The following CDH2 variants were observed in gnomAD, a reference collection of about 807,000 sequenced individuals.
CDH2 encodes cadherin-2.
In CDH2, 17 loss-of-function variants were observed where a neutral mutation model predicts 92.0. The observed-to-expected ratio is 0.18, with a 90% CI of 0.13 to 0.28. CDH2 has a LOEUF of 0.28. CDH2 is among the 10% of genes least tolerant of loss of function. CDH2 has a pLI of 1.00. For synonymous variants in CDH2, 419 were observed against 415.9 expected (o/e 1.01, Z -0.09); for missense variants, 862 against 1,133.1 (o/e 0.76, Z 3.44).
intron 2 of CDH2, among the ~76,000 whole-genome samples, chr18:28,066,981 A>G (rs2014521133): frequency 6.6e-6 from 1 of 152,190 alleles, no homozygotes; most frequent in Admixed American, 6.5e-5. Context: ...AAACAAACCT[A>G]TAAAAACAAA....
intron 2 of CDH2, among the ~76,000 whole-genome samples, chr18:28,128,786 G>C (rs1202233215): frequency 1.3e-5 from 2 of 152,116 alleles, no homozygotes; most frequent in Non-Finnish European, 2.9e-5. Flanking sequence ...GTGAATGCTG[G>C]GTTTAGCATT....
intron 2 of CDH2, among the ~76,000 whole-genome samples, chr18:28,068,515 A>C (rs934827905): frequency 6.6e-6 from 1 of 152,212 alleles, no homozygotes; most frequent in Non-Finnish European, 1.5e-5. Context: ...CTAGTACAAA[A>C]CATCAACAAA....
chr18:28,075,088 G>A (rs1179555073), intron 2 of CDH2, among the ~76,000 whole-genome samples: 2 of 152,026 alleles, frequency 1.3e-5, no homozygotes, highest in African/African-American at 4.8e-5. Context: ...CTATAGTTTT[G>A]TTATTTTCTT....
intron 2 of CDH2, among the ~76,000 whole-genome samples, chr18:28,072,891 T>C (rs558252149): frequency 2.1e-4 from 32 of 152,154 alleles, no homozygotes; most frequent in Non-Finnish European, 3.7e-4. Context: ...GTTGGAGTCA[T>C]GGGTTACACA....
chr18:28,153,017 T>C (rs1046250237), intron 1 of CDH2, among the ~76,000 whole-genome samples: 28 of 152,080 alleles, frequency 1.8e-4, no homozygotes, highest in Non-Finnish European at 3.4e-4. Flanking sequence ...GGAAAAATAA[T>C]TGCAAAACTA....
intron 2 of CDH2, among the ~76,000 whole-genome samples, chr18:28,070,145 A>G (rs936503801): frequency 6.6e-6 from 1 of 152,170 alleles, no homozygotes; most frequent in Non-Finnish European, 1.5e-5. Context: ...TCTGTAGGTC[A>G]AGAAAACATA....
intron 2 of CDH2, among the ~76,000 whole-genome samples, chr18:28,035,503 T>C (rs767261496): frequency 3.9e-5 from 6 of 152,088 alleles, no homozygotes; most frequent in African/African-American, 7.2e-5. Context: ...AGTTACTTTA[T>C]GTTAACAGAG....
chr18:28,055,893 A>C (rs1395227848), intron 2 of CDH2, among the ~76,000 whole-genome samples: 1 of 152,194 alleles, frequency 6.6e-6, no homozygotes, highest in Non-Finnish European at 1.5e-5. Flanking sequence ...GTGTTACTAT[A>C]TGACAGAAAG....
chr18:28,061,307 G>T (rs2014397882), intron 2 of CDH2, among the ~76,000 whole-genome samples: 1 of 152,080 alleles, frequency 6.6e-6, no homozygotes, highest in African/African-American at 2.4e-5. Flanking sequence ...AGGAAGCATT[G>T]TTTATTAAGT....
intron 2 of CDH2, among the ~76,000 whole-genome samples, chr18:28,084,359 C>A (rs1001765920): frequency 6.6e-6 from 1 of 152,014 alleles, no homozygotes; most frequent in African/African-American, 2.4e-5. Flanking sequence ...TGAGAATATA[C>A]AACAGTACAA....
At chr18:28,073,667 TA>T (rs1295217092) in intron 2 of CDH2, among the ~76,000 whole-genome samples, 1 of 152,144 alleles carries the variant, frequency 6.6e-6, no homozygotes, top group East Asian at 1.9e-4. Flanking sequence ...TTTGGACTGG[TA>T]CCTGGTAAAC....
intron 2 of CDH2, among the ~76,000 whole-genome samples, chr18:28,094,627 T>C (rs969624508): frequency 2.0e-5 from 3 of 151,716 alleles, no homozygotes; most frequent in African/African-American, 4.8e-5. Context: ...ACCCTGTCTC[T>C]ACTAAAAACA....
chr18:27,952,065 CAA>C lies in CDH2; in HGVS notation c.*86_*87del. The stretch of plus-strand genomic sequence containing the variant: ...CAGCAAGCACTGTGCTAGTAGACTA[CAA>C]AGTTAAAGCCTAGCTTCTGAATGCT... On this transcript the variant is annotated 3_prime_UTR_variant, in exon 16 of 16. Coordinates refer to ENST00000269141, the MANE Select transcript of CDH2 (RefSeq NM_001792.5). The C allele has an allele frequency of 2.5e-6, 3 of 1,212,780 alleles. No homozygotes were observed. Among genetic ancestry groups the C allele is most frequent in the Non-Finnish European group, 3.6e-6 (3 of 821,946 alleles). 75.1% of individuals were successfully genotyped at this position (1,212,780 alleles called of 1,614,324 possible).
intron 2 of CDH2, among the ~76,000 whole-genome samples, chr18:28,147,248 C>T (rs1212973970): frequency 1.3e-5 from 2 of 151,970 alleles, no homozygotes; most frequent in African/African-American, 4.8e-5. Context: ...TATATTAAAG[C>T]TTCACGTTTT....
chr18:28,169,390 T>A (rs905782202), intron 1 of CDH2, among the ~76,000 whole-genome samples: 4 of 152,204 alleles, frequency 2.6e-5, no homozygotes, highest in Admixed American at 2.6e-4. Flanking sequence ...ACTCAAAGTG[T>A]ATTTTAGTAA....
chr18:27,942,927 G>A (rs1909179376), intron 6 of CDH2, among the ~76,000 whole-genome samples: 1 of 152,064 alleles, frequency 6.6e-6, no homozygotes, highest in African/African-American at 2.4e-5. Flanking sequence ...AGCAGTCAAG[G>A]AACTTAGTGA....
intron 2 of CDH2, among the ~76,000 whole-genome samples, chr18:28,030,353 T>A (rs1308408880): frequency 6.6e-6 from 1 of 151,880 alleles, no homozygotes; most frequent in Admixed American, 6.6e-5. Flanking sequence ...TTTAAAAAAA[T>A]GTAGGGATAT....
intron 2 of CDH2, among the ~76,000 whole-genome samples, chr18:28,112,967 A>G (rs772314453): frequency 6.6e-6 from 1 of 152,140 alleles, no homozygotes; most frequent in Non-Finnish European, 1.5e-5. Flanking sequence ...AAATAAATCA[A>G]CTTTGCTAAA....
intron 1 of CDH2, among the ~76,000 whole-genome samples, chr18:28,153,289 G>A (rs1341536863): frequency 1.3e-5 from 2 of 152,108 alleles, no homozygotes; most frequent in African/African-American, 4.8e-5. Context: ...CAACTGTTAA[G>A]TTATGGCTTC....
Sources: allele counts gnomAD v4.1 joint callset (sites outside exome capture counted in the v4.1 genomes callset), GRCh38; gene constraint gnomAD v4.1.1; transcripts MANE v1.5; gene names NCBI Gene and HGNC (gene_info 2026-07-23, HGNC 2026-07-21).